Variants in PTPRD observed in about 807,000 individuals in gnomAD.
PTPRD encodes protein tyrosine phosphatase receptor type D.
In PTPRD, 34 loss-of-function variants were observed where a neutral mutation model predicts 214.5. The ratio of observed to expected loss-of-function variants is 0.16; its 90% CI spans 0.12 to 0.21. The LOEUF is 0.21. Ranked by LOEUF, PTPRD falls within the 10% of genes least tolerant of loss-of-function variation. The pLI, the probability that PTPRD is intolerant of heterozygous loss-of-function variation, is 1.00. For synonymous variants in PTPRD, 1,128 were observed against 845.7 expected (o/e 1.33, Z -5.79); for missense variants, 2,545 against 2,398.7 (o/e 1.06, Z -1.27).
chr9:9,519,296 A>C (rs1040792615), intron 8 of PTPRD, among the ~76,000 whole-genome samples: 1 of 151,884 alleles, frequency 6.6e-6, no homozygotes, highest in African/African-American at 2.4e-5. Flanking sequence ...AACAGGAAAA[A>C]AAAATCAGTG....
rs1020404666 is a variant in PTPRD, at chr9:8,518,495, A to T, written c.962-66T>A. ...CCCTATAATATTTCAAAAATCTATAAACTCTACTATGAAAATGACAGGATT... is the reference window on the plus strand; with the variant it reads ...CCCTATAATATTTCAAAAATCTATATACTCTACTATGAAAATGACAGGATT... On this transcript the variant is annotated intron_variant, in intron 20 of 45. Transcript: ENST00000381196. The T allele has an allele frequency of 2.9e-5, 32 of 1,111,564 alleles. No individual in the cohort carries two copies. The Middle Eastern group carries it at 1.0e-3, about 36-fold the overall frequency. The allele number at this position is 1,111,564 out of a possible 1,614,324, so 68.9% of individuals were successfully genotyped here.
chr9:9,171,869 T>A (rs1041332315), intron 10 of PTPRD, among the ~76,000 whole-genome samples: 1 of 152,104 alleles, frequency 6.6e-6, no homozygotes, highest in South Asian at 2.1e-4. Context: ...GTCTCAATGA[T>A]CTGCAGCAAA....
chr9:9,498,235 G>A lies in PTPRD; in HGVS notation c.-237+76497C>T, dbSNP rs891710566. ...GCTCTTTGAGTGGCATTCTGCAAGA[G>A]AAGTGATTTTATTGCTTAAGTTCCC... On this transcript the variant is annotated intron_variant, in intron 8 of 45. Coordinates refer to ENST00000381196, the MANE Select transcript of PTPRD (RefSeq NM_002839.4). Among the ~76,000 whole-genome samples, 8 of 152,142 alleles carry A rather than the reference G, an allele frequency of 5.3e-5. 1 individual carries two copies. Among genetic ancestry groups the A allele is most frequent in the Admixed American group, 3.3e-4 (5 of 15,262 alleles).
At chr9:9,173,020 G>A (rs1427271316) in intron 10 of PTPRD, among the ~76,000 whole-genome samples, 2 of 152,054 alleles carry the variant, frequency 1.3e-5, no homozygotes, top group Non-Finnish European at 2.9e-5. Context: ...AGCTAACATG[G>A]CCTTCGTTTA....
chr9:9,236,401 A>G (rs1347732092), intron 9 of PTPRD, among the ~76,000 whole-genome samples: 1 of 152,080 alleles, frequency 6.6e-6, no homozygotes, highest in Non-Finnish European at 1.5e-5. Flanking sequence ...TACTCCTTTA[A>G]TAAGATTAAA....
intron 5 of PTPRD, among the ~76,000 whole-genome samples, chr9:9,873,525 A>G (rs10116184): frequency 6.6e-6 from 1 of 152,070 alleles, no homozygotes; most frequent in Non-Finnish European, 1.5e-5. Flanking sequence ...CTCTCTGGGT[A>G]ATTTACCACA....
At chr9:9,058,575 G>A (rs865935233) in intron 10 of PTPRD, among the ~76,000 whole-genome samples, 28 of 145,706 alleles carry the variant, frequency 1.9e-4, no homozygotes, top group Admixed American at 6.4e-4. Context: ...TCAGCCTCCC[G>A]AGTAGCTGGG....
At chr9:10,558,336 T>C (rs1216382184) in intron 2 of PTPRD, among the ~76,000 whole-genome samples, 1 of 152,158 alleles carries the variant, frequency 6.6e-6, no homozygotes, top group Admixed American at 6.6e-5. Context: ...AAGTAGATGA[T>C]GGAGGAAAAA....
intron 31 of PTPRD, 21 bp downstream of exon 31, chr9:8,470,974 G>A (rs1359120): frequency 0.063 from 99,925 of 1,592,026 alleles, 3,373 homozygotes; most frequent in South Asian, 0.095. Context: ...TAAAAGACAT[G>A]GCCAACAATG....
At chr9:10,269,614 A>G (rs2094304416) in intron 3 of PTPRD, among the ~76,000 whole-genome samples, 1 of 152,174 alleles carries the variant, frequency 6.6e-6, no homozygotes, top group Non-Finnish European at 1.5e-5. Context: ...TGTTTTTAAC[A>G]TTGGTGAAGG....
intron 3 of PTPRD, among the ~76,000 whole-genome samples, chr9:10,170,534 A>C (rs2099195506): frequency 6.6e-6 from 1 of 152,098 alleles, no homozygotes; most frequent in East Asian, 1.9e-4. Context: ...AAAAACACAA[A>C]AAATTAACCA....
intron 3 of PTPRD, among the ~76,000 whole-genome samples, chr9:10,135,801 C>T (rs2098938489): frequency 6.6e-6 from 1 of 151,890 alleles, no homozygotes; most frequent in Non-Finnish European, 1.5e-5. Flanking sequence ...CAGGCAGACA[C>T]TATAAAGCAA....
chr9:8,758,564 T>C (rs1337142054), intron 11 of PTPRD, among the ~76,000 whole-genome samples: 1 of 152,202 alleles, frequency 6.6e-6, no homozygotes, highest in Non-Finnish European at 1.5e-5. Flanking sequence ...AATTTTGGGC[T>C]GTCACACAGA....
chr9:9,898,351 G>A (rs2075566974), intron 5 of PTPRD, among the ~76,000 whole-genome samples: 1 of 151,986 alleles, frequency 6.6e-6, no homozygotes, highest in Non-Finnish European at 1.5e-5. Context: ...TTAATTAGCT[G>A]TTTACATACA....
chr9:9,389,537 T>A (rs1213325096), intron 9 of PTPRD, among the ~76,000 whole-genome samples: 2 of 152,104 alleles, frequency 1.3e-5, no homozygotes, highest in Non-Finnish European at 2.9e-5. Flanking sequence ...AAACATTAAT[T>A]ATGTTCCAGT....
chr9:9,128,049 T>C (rs1012235604), intron 10 of PTPRD, among the ~76,000 whole-genome samples: 5 of 152,190 alleles, frequency 3.3e-5, no homozygotes, highest in Non-Finnish European at 7.3e-5. Flanking sequence ...TTACCAATAC[T>C]GTACTTTTTT....
At chr9:8,566,305 C>T (rs528905402) in intron 14 of PTPRD, among the ~76,000 whole-genome samples, 105 of 152,148 alleles carry the variant, frequency 6.9e-4, no homozygotes, top group East Asian at 3.3e-3. Context: ...ATTGCTGTTT[C>T]GAAATCTGTA....
chr9:10,566,257 G>T (rs2065576159), intron 2 of PTPRD, among the ~76,000 whole-genome samples: 1 of 151,822 alleles, frequency 6.6e-6, no homozygotes, highest in Admixed American at 6.6e-5. Context: ...ATTTTTTGGT[G>T]TCTATTTAAA....
At chr9:8,528,923 T>A (rs187991621) in intron 14 of PTPRD, 144 bp from the exon 15 acceptor site, 8 of 734,068 alleles carry the variant, frequency 1.1e-5, no homozygotes, top group East Asian at 5.4e-5. Context: ...TAGAACACAG[T>A]CACAATGCTG....
Sources: allele counts gnomAD v4.1 joint callset (sites outside exome capture counted in the v4.1 genomes callset), GRCh38; gene constraint gnomAD v4.1.1; transcripts MANE v1.5; gene names NCBI Gene and HGNC (gene_info 2026-07-23, HGNC 2026-07-21).